The following MEPE variants were observed in gnomAD, a reference collection of about 807,000 sequenced individuals.
MEPE encodes matrix, extracellular phosphoglycoprotein with ASARM motif (bone).
Under a neutral mutation model 7.3 loss-of-function variants are expected in MEPE, and 7 were observed. The ratio of observed to expected loss-of-function variants is 0.95; its 90% confidence interval spans 0.54 to 1.79. The LOEUF (loss-of-function observed/expected upper bound fraction) is 1.79. Among genes scored for constraint, MEPE ranks in the 40% most tolerant of loss-of-function variants. The pLI, the probability that MEPE is intolerant of heterozygous loss-of-function variation, is 0.00. For missense variants in MEPE, 623 were observed against 628.2 expected (o/e 0.99, Z 0.09); for synonymous variants, 214 against 213.1 (o/e 1.00, Z -0.04).
chr4:87,825,771 G>A (rs1722448572), intron 1 of MEPE, among the ~76,000 whole-genome samples: 2 of 152,170 alleles, frequency 1.3e-5, no homozygotes, highest in African/African-American at 4.8e-5. Flanking sequence ...GTGTGTCATG[G>A]TGATTTACTG....
rs1411350340 is a variant in MEPE, at chr4:87,845,878, G to A, written c.1010G>A (p.Gly337Asp). Residue 337 changes from glycine (G) to aspartate (D), a missense_variant, in exon 4 of 4, where the codon GGC becomes GAC. Transcript: ENST00000361056. ...GCTGTTGATGTCAGCCTTGTAGAGGGCAGCAACGATATCATGGGTAGTACC... is the reference window on the plus strand; with the variant it reads ...GCTGTTGATGTCAGCCTTGTAGAGGACAGCAACGATATCATGGGTAGTACC... ...ADAVDVSLVE[G>D]SNDIMGSTNF... The A allele has an allele frequency of 2.5e-6, 4 of 1,614,018 alleles. No individual in the cohort carries two copies. Among genetic ancestry groups the A allele is most frequent in the Admixed American group, 1.7e-5 (1 of 59,990 alleles).
intron 3 of MEPE, chr4:87,839,607 C>G: frequency 1.0e-6 from 1 of 984,654 alleles, no homozygotes; most frequent in Non-Finnish European, 1.5e-6. Context: ...TTTAAAGTTT[C>G]TTATATTATT....
intron 2 of MEPE, among the ~76,000 whole-genome samples, chr4:87,836,212 C>T (rs1722783792): frequency 6.6e-6 from 1 of 152,028 alleles, no homozygotes; most frequent in South Asian, 2.1e-4. Flanking sequence ...TTAGTATATA[C>T]TCAGCCACTT....
At chr4:87,830,269 A>G (rs1722566839), upstream of MEPE, among the ~76,000 whole-genome samples, 1 of 152,196 alleles carries the variant, frequency 6.6e-6, no homozygotes, top group African/African-American at 2.4e-5. Flanking sequence ...CCATAAAGAC[A>G]CATGCACACG....
chr4:87,844,893 G>A (rs1016978491), intron 3 of MEPE, 84 bp from the exon 4 acceptor site: 2 of 1,020,178 alleles, frequency 2.0e-6, no homozygotes, highest in Non-Finnish European at 2.7e-6. Flanking sequence ...ATATCTGGTG[G>A]ATGGTTTTTA....
intron 3 of MEPE, 67 bp downstream of exon 3, chr4:87,838,752 A>G (rs1431526054): frequency 6.4e-6 from 9 of 1,408,986 alleles, no homozygotes; most frequent in Admixed American, 1.8e-5. Context: ...AGTAAGAGAA[A>G]AGTGTAACTG....
chr4:87,832,233 A>G (rs544920470), upstream of MEPE, among the ~76,000 whole-genome samples: 2 of 152,254 alleles, frequency 1.3e-5, no homozygotes, highest in African/African-American at 4.8e-5. Context: ...CCATCTCTCA[A>G]TACTGTCACC....
chr4:87,838,279 T>C (rs906236499), intron 2 of MEPE, among the ~76,000 whole-genome samples: 3 of 152,212 alleles, frequency 2.0e-5, no homozygotes, highest in African/African-American at 2.4e-5. Context: ...AGTTTGCCAG[T>C]GAAAACTTCT....
At chr4:87,841,437 T>C (rs2110007596) in intron 3 of MEPE, among the ~76,000 whole-genome samples, 1 of 152,328 alleles carries the variant, frequency 6.6e-6, no homozygotes, top group East Asian at 1.9e-4. Context: ...TACCCACCAA[T>C]ATTAAAAAAT....
upstream of MEPE, among the ~76,000 whole-genome samples, chr4:87,829,974 T>C (rs1291441709): frequency 1.3e-5 from 2 of 151,704 alleles, no homozygotes; most frequent in African/African-American, 4.8e-5. Flanking sequence ...AGTTGTTTAA[T>C]CAACTTGCCA....
chr4:87,823,380 G>C (rs1722389415), intron 1 of MEPE, among the ~76,000 whole-genome samples: 2 of 152,184 alleles, frequency 1.3e-5, no homozygotes, highest in African/African-American at 4.8e-5. Context: ...TAGCAGACAG[G>C]ATAGCAGAGG....
At chr4:87,839,687 A>T in intron 3 of MEPE, 1 of 1,548,216 alleles carries the variant, frequency 6.5e-7, no homozygotes, top group Non-Finnish European at 8.7e-7. Context: ...TTTTGTAGAT[A>T]ACATACAAGG....
chr4:87,840,191 C>A, intron 3 of MEPE: 4 of 945,252 alleles, frequency 4.2e-6, no homozygotes, highest in Non-Finnish European at 6.1e-6. Context: ...ACCATTTTGG[C>A]CTAATGAGTG....
chr4:87,843,203 T>C (rs575054616), intron 3 of MEPE, among the ~76,000 whole-genome samples: 6 of 152,318 alleles, frequency 3.9e-5, no homozygotes, highest in Non-Finnish European at 8.8e-5. Flanking sequence ...ATGTTCTTTC[T>C]TACCACTGTT....
chr4:87,842,112 G>A (rs192249209), intron 3 of MEPE, among the ~76,000 whole-genome samples: 2 of 152,242 alleles, frequency 1.3e-5, no homozygotes, highest in East Asian at 1.9e-4. Flanking sequence ...GCCCATAAAC[G>A]GCAGTGAGAC....
intron 1 of MEPE, among the ~76,000 whole-genome samples, chr4:87,822,462 T>G (rs1355193799): frequency 6.6e-6 from 1 of 152,156 alleles, no homozygotes; most frequent in East Asian, 1.9e-4. Flanking sequence ...ATGCAGCTGC[T>G]AGGTTCACAC....
upstream of MEPE, among the ~76,000 whole-genome samples, chr4:87,831,862 G>C (rs1045870427): frequency 6.6e-6 from 1 of 152,074 alleles, no homozygotes; most frequent in East Asian, 1.9e-4. Flanking sequence ...TCCTGGAATG[G>C]TCTTCCCATA....
intron 1 of MEPE, among the ~76,000 whole-genome samples, chr4:87,825,170 A>G (rs1722429513): frequency 6.6e-6 from 1 of 152,190 alleles, no homozygotes; most frequent in South Asian, 2.1e-4. Context: ...GATAAATAAT[A>G]TTTAAAGGTA....
At chr4:87,821,772 T>G (rs1386867821) in intron 1 of MEPE, among the ~76,000 whole-genome samples, 1 of 152,006 alleles carries the variant, frequency 6.6e-6, no homozygotes, top group Non-Finnish European at 1.5e-5. Context: ...CCTGCAAGGG[T>G]GCTCCATACA....
Sources: gnomAD v4.1 joint callset for allele counts (sites outside exome capture counted in the v4.1 genomes callset) on GRCh38, gnomAD v4.1.1 for gene constraint, MANE v1.5 for transcripts, NCBI Gene and HGNC (gene_info 2026-07-23, HGNC 2026-07-21) for gene names.